The following CDH9 variants were observed in gnomAD, a reference collection of about 807,000 sequenced individuals.
CDH9 encodes the protein cadherin-9.
Under a neutral mutation model 70.9 loss-of-function variants are expected in CDH9, and 28 were observed. That is an observed-to-expected ratio of 0.40 (90% confidence interval 0.29 to 0.54). The LOEUF is 0.54. Ranked by LOEUF, CDH9 falls within the 20% of genes least tolerant of loss-of-function variation. CDH9 has a pLI of 0.59. For missense variants in CDH9, 874 were observed against 984.4 expected (o/e 0.89, Z 1.50); for synonymous variants, 409 against 343.1 (o/e 1.19, Z -2.12).
chr5:26,895,356 T>C (rs1740731083), intron 7 of CDH9, among the ~76,000 whole-genome samples: 1 of 152,010 alleles, frequency 6.6e-6, no homozygotes, highest in Admixed American at 6.6e-5. Flanking sequence ...TATTATTATT[T>C]TACCTTTTGC....
intron 5 of CDH9, among the ~76,000 whole-genome samples, chr5:26,905,441 A>G (rs1185218575): frequency 6.6e-6 from 1 of 152,158 alleles, no homozygotes; most frequent in Non-Finnish European, 1.5e-5. Context: ...ATGATGCTAA[A>G]TAAGCCCATC....
chr5:26,989,345 T>A (rs554641661), intron 1 of CDH9, among the ~76,000 whole-genome samples: 1 of 152,218 alleles, frequency 6.6e-6, no homozygotes, highest in Admixed American at 6.5e-5. Flanking sequence ...TATTAAGCAA[T>A]GGAAATTAAT....
chr5:26,924,705 C>T (rs73073524), intron 2 of CDH9, among the ~76,000 whole-genome samples: 7,808 of 151,946 alleles, frequency 0.051, 341 homozygotes, highest in African/African-American at 0.11. Flanking sequence ...CTACCCCAGC[C>T]GCCCATCCTA....
chr5:26,886,609 T>A (rs185236426), intron 9 of CDH9, among the ~76,000 whole-genome samples: 2 of 152,270 alleles, frequency 1.3e-5, no homozygotes, highest in East Asian at 3.9e-4. Context: ...ATTTTGAAGC[T>A]ATGGACACCA....
At position 26,990,744 on chromosome 5, in the gene CDH9, A is replaced by G. The variant is rs377012256; in HGVS notation, c.-49-2362T>C. ...GACAGCTGTTATCTTACTTTGATAA[A>G]ATACAACAAACTCCTTAGTTGACCA... On this transcript the variant is annotated intron_variant, in intron 1 of 11. Coordinates refer to ENST00000231021, the MANE Select transcript of CDH9 (RefSeq NM_016279.4). Among the ~76,000 whole-genome samples the G allele has an allele frequency of 2.1e-4, 32 of 152,258 alleles. 1 individual carries two copies. Among genetic ancestry groups the G allele is most frequent in the East Asian group, 1.4e-3 (7 of 5,168 alleles).
At chr5:26,896,846 C>A (rs115017135) in intron 7 of CDH9, among the ~76,000 whole-genome samples, 3,379 of 151,356 alleles carry the variant, frequency 0.022, 60 homozygotes, top group Non-Finnish European at 0.036. Flanking sequence ...GATAGAGACA[C>A]AAAAAAACCC....
intron 2 of CDH9, among the ~76,000 whole-genome samples, chr5:26,937,233 A>G (rs986892766): frequency 6.6e-6 from 1 of 152,190 alleles, no homozygotes; most frequent in Non-Finnish European, 1.5e-5. Context: ...ACACCTCACC[A>G]AAGAAGACAC....
chr5:27,022,089 A>G (rs1457940715), intron 1 of CDH9, among the ~76,000 whole-genome samples: 1 of 152,032 alleles, frequency 6.6e-6, no homozygotes, highest in Non-Finnish European at 1.5e-5. Flanking sequence ...AACACTATAG[A>G]TAAAACACGG....
chr5:26,945,962 C>T (rs75457737), intron 2 of CDH9, among the ~76,000 whole-genome samples: 2,689 of 152,092 alleles, frequency 0.018, 72 homozygotes, highest in African/African-American at 0.062. Context: ...ATTTAACAAA[C>T]AAACTAAGAG....
In CDH9 at chr5:26,903,687, C is replaced by A; in HGVS notation, c.949G>T (p.Asp317Tyr). The change falls in exon 6 of 12, where the codon GAT (aspartate) becomes TAT (tyrosine). Residue 317 changes from aspartate (D) to tyrosine (Y), a missense_variant. Coordinates refer to ENST00000231021, the MANE Select transcript of CDH9 (RefSeq NM_016279.4). ...IAEGDGADMF[D>Y]VITDKDTQEG... The stretch of plus-strand genomic sequence containing the variant: ...TGTGTATCCTTGTCAGTGATGACAT[C>A]GAACATGTCTGCACCATCTCCTTCA... 3 of 1,610,304 alleles carry A rather than the reference C, an allele frequency of 1.9e-6. No homozygotes were observed. The highest frequency in any genetic ancestry group is 2.5e-6 in the Non-Finnish European group (3 of 1,176,834).
chr5:26,905,298 A>G (rs974817670), intron 5 of CDH9, among the ~76,000 whole-genome samples: 1 of 152,280 alleles, frequency 6.6e-6, no homozygotes, highest in East Asian at 1.9e-4. Context: ...TAAAATGGTG[A>G]CAACTGAAAG....
intron 2 of CDH9, among the ~76,000 whole-genome samples, chr5:26,923,089 CA>C (rs76197543): frequency 0.25 from 28,533 of 112,410 alleles, 2,960 homozygotes; most frequent in South Asian, 0.4. Context: ...AAAAAAAACA[CA>C]AAAAAAAAAC....
intron 2 of CDH9, among the ~76,000 whole-genome samples, chr5:26,931,147 G>A (rs960407861): frequency 5.3e-5 from 8 of 152,106 alleles, no homozygotes; most frequent in African/African-American, 1.7e-4. Flanking sequence ...CAGAAAAGAA[G>A]CAACATGACA....
intron 7 of CDH9, among the ~76,000 whole-genome samples, chr5:26,897,251 G>A (rs1222973230): frequency 6.6e-6 from 1 of 151,952 alleles, no homozygotes; most frequent in East Asian, 1.9e-4. Context: ...ACATAGAGGA[G>A]CTGGTACCAT....
intron 11 of CDH9, among the ~76,000 whole-genome samples, chr5:26,882,672 T>A (rs10076532): frequency 0.018 from 2,764 of 152,128 alleles, 82 homozygotes; most frequent in African/African-American, 0.064. Flanking sequence ...CAAAACACAC[T>A]TCAGCATTAC....
intron 2 of CDH9, among the ~76,000 whole-genome samples, chr5:26,986,837 C>G (rs1213466027): frequency 3.3e-5 from 5 of 151,854 alleles, no homozygotes; most frequent in African/African-American, 1.2e-4. Context: ...ATATGACTAA[C>G]CTGAGAAGAA....
intron 1 of CDH9, among the ~76,000 whole-genome samples, chr5:26,990,345 G>A (rs143183279): frequency 7.9e-5 from 12 of 152,116 alleles, no homozygotes; most frequent in African/African-American, 2.9e-4. Flanking sequence ...TTAAAAATTG[G>A]TCACTCTTAG....
intron 3 of CDH9, among the ~76,000 whole-genome samples, chr5:26,914,601 G>A (rs902137526): frequency 6.6e-6 from 1 of 151,952 alleles, no homozygotes; most frequent in Non-Finnish European, 1.5e-5. Flanking sequence ...TTCATTTGAG[G>A]TGAGAATAAA....
chr5:27,001,051 C>T lies in CDH9; in HGVS notation c.-49-12669G>A, dbSNP rs144011978. On this transcript the variant is annotated intron_variant, in intron 1 of 11. Coordinates refer to ENST00000231021, the MANE Select transcript of CDH9 (RefSeq NM_016279.4). ...GCAATGGTAGATACATGACATTATG[C>T]ACTTACCAAAACCCACAGAACTTTA... 7.2e-5 allele frequency among the ~76,000 whole-genome samples: 11 copies of T among 152,142 alleles called. No individual in the cohort carries two copies. The East Asian group carries it at 2.1e-3, about 29-fold the overall frequency.
Sources: allele counts gnomAD v4.1 joint callset (sites outside exome capture counted in the v4.1 genomes callset), GRCh38; gene constraint gnomAD v4.1.1; transcripts MANE v1.5; gene names NCBI Gene and HGNC (gene_info 2026-07-23, HGNC 2026-07-21).